Variants in GIPC2 observed in about 807,000 individuals in gnomAD.
GIPC2 encodes the protein GIPC PDZ domain containing family member 2.
A neutral mutation model predicts 30.6 loss-of-function variants in GIPC2; 30 were observed. The ratio of observed to expected loss-of-function variants is 0.98; its 90% CI spans 0.73 to 1.33. The LOEUF (loss-of-function observed/expected upper bound fraction) is 1.33. Among genes scored for constraint, GIPC2 ranks in the 40% most tolerant of loss-of-function variants. GIPC2 has a pLI of 0.00. For synonymous variants in GIPC2, 167 were observed against 150.0 expected, an observed-to-expected ratio of 1.11 and a Z score of -0.83; for missense variants, 414 against 390.3, an observed-to-expected ratio of 1.06 and a Z score of -0.51.
intron 2 of GIPC2, among the ~76,000 whole-genome samples, chr1:78,082,094 C>T (rs1022988736): frequency 6.6e-6 from 1 of 152,020 alleles, no homozygotes; most frequent in Non-Finnish European, 1.5e-5. Context: ...TTCTTTTGCT[C>T]AAAAAGATGC....
At chr1:78,081,632 C>T (rs1324548354) in intron 2 of GIPC2, among the ~76,000 whole-genome samples, 1 of 151,978 alleles carries the variant, frequency 6.6e-6, no homozygotes, top group African/African-American at 2.4e-5. Flanking sequence ...ACAAAGAGAG[C>T]GATATAGAGC....
chr1:78,075,627 C>T (rs1661704555), intron 1 of GIPC2, among the ~76,000 whole-genome samples: 2 of 152,276 alleles, frequency 1.3e-5, no homozygotes, highest in Non-Finnish European at 2.9e-5. Context: ...ACAGATAAGG[C>T]AAAATACAGA....
At chr1:78,057,422 T>C (rs184546378) in intron 1 of GIPC2, among the ~76,000 whole-genome samples, 2 of 152,330 alleles carry the variant, frequency 1.3e-5, no homozygotes, top group Admixed American at 6.5e-5. Context: ...TACATATTTA[T>C]GGGATATGTG....
chr1:78,116,819 T>A (rs532630526), intron 3 of GIPC2, among the ~76,000 whole-genome samples: 1 of 152,214 alleles, frequency 6.6e-6, no homozygotes, highest in Non-Finnish European at 1.5e-5. Context: ...TAAACATACA[T>A]GTGCATGTGT....
chr1:78,067,752 C>G (rs924871673), intron 1 of GIPC2, among the ~76,000 whole-genome samples: 2 of 152,166 alleles, frequency 1.3e-5, no homozygotes, highest in African/African-American at 4.8e-5. Flanking sequence ...CACCTCGCCT[C>G]AAATTTTTCT....
intron 2 of GIPC2, among the ~76,000 whole-genome samples, chr1:78,089,697 T>C (rs1035854234): frequency 1.3e-5 from 2 of 152,228 alleles, no homozygotes; most frequent in African/African-American, 2.4e-5. Context: ...TTCATGATTT[T>C]ATTATCTAAG....
chr1:78,115,862 C>T (rs539509357), intron 3 of GIPC2, among the ~76,000 whole-genome samples: 2 of 152,156 alleles, frequency 1.3e-5, no homozygotes, highest in Non-Finnish European at 2.9e-5. Flanking sequence ...GATTCTGTTC[C>T]TGAATATAGG....
At chr1:78,132,029 A>T (rs967306519) in intron 5 of GIPC2, among the ~76,000 whole-genome samples, 2 of 152,220 alleles carry the variant, frequency 1.3e-5, no homozygotes, top group African/African-American at 2.4e-5. Flanking sequence ...CCTCTCCAAG[A>T]GTAAGTACTT....
At chr1:78,115,952 C>CCT (rs1662559766) in intron 3 of GIPC2, among the ~76,000 whole-genome samples, 1 of 152,178 alleles carries the variant, frequency 6.6e-6, no homozygotes, top group South Asian at 2.1e-4. Context: ...CAGTACTTGG[C>CCT]TGAAGATGGG....
chr1:78,126,004 TG>T (rs1662775754), intron 5 of GIPC2, 42 bp downstream of exon 5: 8 of 881,650 alleles, frequency 9.1e-6, no homozygotes, highest in Non-Finnish European at 1.5e-5. Flanking sequence ...TCTCTTAATC[TG>T]CTTAATGTTT....
At chr1:78,058,859 A>C (rs1047244484) in intron 1 of GIPC2, among the ~76,000 whole-genome samples, 1 of 152,168 alleles carries the variant, frequency 6.6e-6, no homozygotes, top group African/African-American at 2.4e-5. Context: ...TTTTTCAAAA[A>C]TGATTCATCA....
At chr1:78,106,244 A>G (rs1263919201) in intron 3 of GIPC2, among the ~76,000 whole-genome samples, 2 of 149,992 alleles carry the variant, frequency 1.3e-5, no homozygotes, top group Non-Finnish European at 3.0e-5. Context: ...CAAAAAAAAA[A>G]AAAAAAAGAA....
chr1:78,117,333 G>C (rs892659999), intron 3 of GIPC2, among the ~76,000 whole-genome samples: 3 of 152,196 alleles, frequency 2.0e-5, no homozygotes, highest in Non-Finnish European at 4.4e-5. Flanking sequence ...GGAGTGCTCA[G>C]TTGTCTCCGG....
intron 2 of GIPC2, among the ~76,000 whole-genome samples, chr1:78,082,506 T>C (rs1661849863): frequency 6.6e-6 from 1 of 152,164 alleles, no homozygotes; most frequent in Non-Finnish European, 1.5e-5. Flanking sequence ...GAAAGTCATA[T>C]GGGATTATCC....
At chr1:78,060,409 T>C (rs1661370794) in intron 1 of GIPC2, among the ~76,000 whole-genome samples, 1 of 152,112 alleles carries the variant, frequency 6.6e-6, no homozygotes, top group African/African-American at 2.4e-5. Context: ...CCTCCCAAAG[T>C]ACTGGGATTA....
At chr1:78,071,177 TTATA>T (rs1417525136) in intron 1 of GIPC2, among the ~76,000 whole-genome samples, 3 of 152,210 alleles carry the variant, frequency 2.0e-5, no homozygotes, top group Non-Finnish European at 4.4e-5. Context: ...AGTACATGCA[TTATA>T]CTGGGAAAAT....
intron 1 of GIPC2, among the ~76,000 whole-genome samples, chr1:78,060,895 ATCT>A (rs756364539): frequency 1.5e-5 from 2 of 137,356 alleles, no homozygotes; most frequent in South Asian, 2.2e-4. Flanking sequence ...CCCCCACTTT[ATCT>A]TCTTTTTTTT....
intron 2 of GIPC2, chr1:78,088,874 A>G (rs1207032439): frequency 6.6e-6 from 1 of 151,676 alleles, no homozygotes; most frequent in African/African-American, 2.4e-5. Context: ...ACATTCAGAG[A>G]TGTGTCACTC....
chr1:78,131,848 C>A (rs2100453923), intron 5 of GIPC2, among the ~76,000 whole-genome samples: 1 of 152,308 alleles, frequency 6.6e-6, no homozygotes, highest in South Asian at 2.1e-4. Context: ...ATTCATATAG[C>A]AAATTACTGG....
Sources: allele counts gnomAD v4.1 joint callset (sites outside exome capture counted in the v4.1 genomes callset), GRCh38; gene constraint gnomAD v4.1.1; transcripts MANE v1.5; gene names NCBI Gene and HGNC (gene_info 2026-07-23, HGNC 2026-07-21).